FOXO3: variants seen among roughly 807,000 people sequenced by gnomAD.
FOXO3 encodes forkhead box O3, also known as forkhead box protein O3.
FOXO3 carries 4 observed loss-of-function variants against 41.9 expected under a neutral mutation model. That is an observed-to-expected ratio of 0.10 (90% CI 0.05 to 0.22). FOXO3 has a LOEUF of 0.22. FOXO3 is among the 10% of genes least tolerant of loss of function. FOXO3 has a pLI of 1.00. For missense variants in FOXO3, 534 were observed against 906.8 expected, an observed-to-expected ratio of 0.59 and a Z score of 5.28; for synonymous variants, 318 against 389.3, an observed-to-expected ratio of 0.82 and a Z score of 2.16.
At chr6:108,618,329 TA>T in intron 1 of FOXO3, 1 of 632,132 alleles carries the variant, frequency 1.6e-6, no homozygotes. Flanking sequence ...ACAAAAGAGA[TA>T]TCAGGTCCAC....
intron 1 of FOXO3, among the ~76,000 whole-genome samples, chr6:108,596,316 A>G (rs746441437): frequency 9.6e-5 from 14 of 145,614 alleles, no homozygotes; most frequent in Non-Finnish European, 1.8e-4. Flanking sequence ...TGTGATTTGG[A>G]TATGATTTCA....
chr6:108,666,337 T>C lies in FOXO3; in HGVS notation c.*34+1448T>C, dbSNP rs146397604. On this transcript the variant is annotated intron_variant, in intron 2 of 2. Transcript: ENST00000406360. ...AGGTTGATTTCTTTTTTTTTCTTTT[T>C]CTTTTTCTTTTTTTTTGAGATGGAG... is the stretch of plus-strand genomic sequence containing the variant. 7.3e-3 allele frequency among the ~76,000 whole-genome samples: 1,103 copies of C among 150,674 alleles called. 16 individuals are homozygous for C. Among genetic ancestry groups the C allele is most frequent in the African/African-American group, 0.026 (1,038 of 40,154 alleles).
chr6:108,619,141 C>G (rs1334663368), intron 1 of FOXO3, among the ~76,000 whole-genome samples: 1 of 152,146 alleles, frequency 6.6e-6, no homozygotes, highest in Non-Finnish European at 1.5e-5. Context: ...AATATGATGC[C>G]AATGCCAAAA....
chr6:108,577,618 A>G (rs1173582231), intron 1 of FOXO3, among the ~76,000 whole-genome samples: 2 of 152,190 alleles, frequency 1.3e-5, no homozygotes, highest in Non-Finnish European at 2.9e-5. Context: ...ATCTCTAGGT[A>G]TGGGGCCTGG....
intron 1 of FOXO3, among the ~76,000 whole-genome samples, chr6:108,616,524 T>C (rs931246108): frequency 1.3e-5 from 2 of 152,052 alleles, no homozygotes; most frequent in African/African-American, 4.8e-5. Flanking sequence ...TCTCAACTCC[T>C]GGCCTCAAGC....
At chr6:108,678,869 CTTTTTT>C (rs1156923290) in intron 2 of FOXO3, among the ~76,000 whole-genome samples, 3 of 55,016 alleles carry the variant, frequency 5.5e-5, no homozygotes, top group African/African-American at 9.1e-5. Context: ...TTCTTAAATT[CTTTTTT>C]TTTTTTTTTT....
intron 1 of FOXO3, among the ~76,000 whole-genome samples, chr6:108,590,001 T>C (rs1279547576): frequency 6.6e-6 from 1 of 152,228 alleles, no homozygotes; most frequent in East Asian, 1.9e-4. Context: ...AAGAGAGTTA[T>C]TCTTAAAGGA....
chr6:108,590,812 T>C (rs985673969), intron 1 of FOXO3, among the ~76,000 whole-genome samples: 1 of 152,230 alleles, frequency 6.6e-6, no homozygotes. Flanking sequence ...TTTAAAAATA[T>C]GCAACTTTTC....
At chr6:108,635,667 A>T (rs749638086) in intron 1 of FOXO3, among the ~76,000 whole-genome samples, 9 of 152,188 alleles carry the variant, frequency 5.9e-5, no homozygotes, top group Admixed American at 2.0e-4. Context: ...CTGTCATAGC[A>T]TTGCACCTTG....
At position 108,628,247 on chromosome 6, in the gene FOXO3, A is replaced by G. The variant is rs138286141; in HGVS notation, c.622-35208A>G. ...AAGAAATAATGTATTTTAGCCATCG[A>G]TTTTTGCTTTTGGTTTCAGAATCCA... On this transcript the variant is annotated intron_variant, in intron 1 of 2. Coordinates refer to ENST00000406360, the MANE Select transcript of FOXO3 (RefSeq NM_001455.4). Among the ~76,000 whole-genome samples the G allele has an allele frequency of 2.0e-3, 303 of 152,192 alleles. 1 individual carries two copies. Among genetic ancestry groups the G allele is most frequent in the African/African-American group, 6.9e-3 (287 of 41,522 alleles).
chr6:108,602,467 A>G (rs1474292738), intron 1 of FOXO3, among the ~76,000 whole-genome samples: 1 of 152,174 alleles, frequency 6.6e-6, no homozygotes, highest in African/African-American at 2.4e-5. Context: ...TGCCACCAAG[A>G]TCTTGTTTTT....
intron 1 of FOXO3, among the ~76,000 whole-genome samples, chr6:108,575,422 A>G (rs1240358866): frequency 6.6e-6 from 1 of 151,300 alleles, no homozygotes; most frequent in East Asian, 1.9e-4. Context: ...GATGTAAATT[A>G]TTTTCTTCTG....
At chr6:108,563,080 C>T (rs60159955) in intron 1 of FOXO3, among the ~76,000 whole-genome samples, 4 of 152,198 alleles carry the variant, frequency 2.6e-5, no homozygotes, top group African/African-American at 9.6e-5. Flanking sequence ...CTCTGTCTTC[C>T]TGGGTTTCAG....
intron 1 of FOXO3, among the ~76,000 whole-genome samples, chr6:108,567,147 A>G (rs1457412694): frequency 6.6e-6 from 1 of 152,032 alleles, no homozygotes; most frequent in Middle Eastern, 3.2e-3. Context: ...CCTTTTTTTT[A>G]CATCTGTATT....
intron 1 of FOXO3, among the ~76,000 whole-genome samples, chr6:108,598,064 A>G (rs1776937731): frequency 6.6e-6 from 1 of 152,186 alleles, no homozygotes; most frequent in South Asian, 2.1e-4. Flanking sequence ...TAAAAACAAA[A>G]TTCCTCTCAC....
intron 1 of FOXO3, among the ~76,000 whole-genome samples, chr6:108,585,602 A>G (rs1006210964): frequency 6.6e-6 from 1 of 152,204 alleles, no homozygotes; most frequent in African/African-American, 2.4e-5. Flanking sequence ...CTTCAGCAGA[A>G]CAGGGCTGGG....
At chr6:108,660,432 C>T (rs1778810330) in intron 1 of FOXO3, among the ~76,000 whole-genome samples, 1 of 152,178 alleles carries the variant, frequency 6.6e-6, no homozygotes, top group African/African-American at 2.4e-5. Context: ...TTCTCTCAAA[C>T]GCAGTTGTAG....
At position 108,683,376 on chromosome 6, in the gene FOXO3, T is replaced by A. The variant is rs1337194256; in HGVS notation, c.*3584T>A. ...TTGCCTCTACCTAGTGAACCCCACT[T>A]AAAGAATAAGGAGCATTTGAATCTC... is the stretch of plus-strand genomic sequence containing the variant. On this transcript the variant is annotated 3_prime_UTR_variant, in exon 3 of 3. Transcript: ENST00000406360. 1 of 152,114 alleles carries A rather than the reference T, an allele frequency of 6.6e-6. No individual in the cohort carries two copies. Among genetic ancestry groups the A allele is most frequent in the Non-Finnish European group, 1.5e-5 (1 of 68,014 alleles). The allele number at this position is 152,114 out of a possible 1,614,324, so 9.4% of individuals were successfully genotyped here.
chr6:108,561,527 G>A lies in FOXO3; in HGVS notation c.319G>A (p.Asp107Asn). 1 of 1,442,694 alleles carries A rather than the reference G, an allele frequency of 6.9e-7. No individual in the cohort carries two copies. Among genetic ancestry groups the A allele is most frequent in the Non-Finnish European group, 9.0e-7 (1 of 1,105,696 alleles). The allele number at this position is 1,442,694 out of a possible 1,614,324, so 89.4% of individuals were successfully genotyped here. A position where few individuals can be genotyped will look rare whatever the true frequency, so the allele number is the denominator to read the frequency against. ...SARVLAPGGQ[D>N]PGSGPATAAG... ...CCGGGTGCTGGCACCCGGAGGGCAA[G>A]ACCCCGGGTCTGGGCCAGCCACCGC... The change falls in exon 1 of 3, where the codon GAC becomes AAC. Residue 107 changes from aspartate to asparagine, a missense_variant. Around this residue, in one of 8 missense-constraint regions of FOXO3, gnomAD observed 139 missense variants for 163.7 expected, o/e 0.85. Coordinates refer to ENST00000406360, the MANE Select transcript of FOXO3 (RefSeq NM_001455.4).
Sources: allele counts gnomAD v4.1 joint callset (sites outside exome capture counted in the v4.1 genomes callset), GRCh38; gene constraint gnomAD v4.1.1; regional missense constraint gnomAD v4.1.1; transcripts MANE v1.5; gene names NCBI Gene and HGNC (gene_info 2026-07-23, HGNC 2026-07-21).